HIBCH: variants seen among roughly 807,000 people sequenced by gnomAD.
The protein encoded by HIBCH is 3-hydroxyisobutyryl-CoA hydrolase, also known as 3-hydroxyisobutyryl-CoA hydrolase, mitochondrial.
Under a neutral mutation model 58.2 loss-of-function variants are expected in HIBCH, and 50 were observed. That is an observed-to-expected ratio of 0.86 (90% confidence interval 0.68 to 1.09). The LOEUF is 1.09. HIBCH is among the 50% of genes least tolerant of loss of function. HIBCH has a pLI of 0.00. For synonymous variants in HIBCH, 151 were observed against 146.9 expected (o/e 1.03, Z -0.20); for missense variants, 450 against 449.7 (o/e 1.00, Z -0.01).
In HIBCH at chr2:190,294,730, ATATG is replaced by A. The variant is rs555791352; in HGVS notation, c.220-104_220-101del. On this transcript the variant is annotated intron_variant, in intron 3 of 13. Coordinates refer to ENST00000359678, the MANE Select transcript of HIBCH (RefSeq NM_014362.4). ...TATATTCAATCATATATTCATATAC[ATATG>A]TGTTTGTGACAGTACATATTCTTCT... The A allele has an allele frequency of 1.5e-4, 119 of 789,228 alleles. 1 individual carries two copies. In the South Asian group the frequency reaches 1.6e-3, roughly 10 times the overall value. The allele number at this position is 789,228 out of a possible 1,614,324, so 48.9% of individuals were successfully genotyped here.
intron 11 of HIBCH, among the ~76,000 whole-genome samples, chr2:190,230,446 C>T (rs1400847739): frequency 6.6e-6 from 1 of 152,212 alleles, no homozygotes; most frequent in Non-Finnish European, 1.5e-5. Context: ...CCTGTAATCC[C>T]AGCACTTTGG....
chr2:190,234,342 T>C (rs1686200038), intron 11 of HIBCH, among the ~76,000 whole-genome samples: 1 of 152,252 alleles, frequency 6.6e-6, no homozygotes, highest in South Asian at 2.1e-4. Context: ...GTGTCTATGT[T>C]ATCACAAGGC....
chr2:190,277,315 T>C (rs912464999), intron 6 of HIBCH, among the ~76,000 whole-genome samples: 21 of 152,182 alleles, frequency 1.4e-4, no homozygotes, highest in Non-Finnish European at 4.4e-5. Context: ...CTCTTCATGG[T>C]GGGTAACAAG....
chr2:190,293,142 C>T (rs532656574), intron 4 of HIBCH, among the ~76,000 whole-genome samples: 1 of 152,152 alleles, frequency 6.6e-6, no homozygotes, highest in South Asian at 2.1e-4. Flanking sequence ...TGTAAACTGA[C>T]GATCACAGGC....
chr2:190,220,096 A>G (rs1323626463), intron 11 of HIBCH, among the ~76,000 whole-genome samples: 1 of 152,164 alleles, frequency 6.6e-6, no homozygotes, highest in East Asian at 1.9e-4. Flanking sequence ...TGTTGGCTAT[A>G]ATGCTATGCC....
intron 12 of HIBCH, 24 bp downstream of exon 12, chr2:190,212,932 G>A (rs781171481): frequency 6.3e-7 from 1 of 1,589,306 alleles, no homozygotes; most frequent in Non-Finnish European, 8.6e-7. Context: ...ACTAAAAAAT[G>A]ACATTTTTTT....
chr2:190,220,786 A>G (rs1009854817), intron 11 of HIBCH, among the ~76,000 whole-genome samples: 1 of 152,048 alleles, frequency 6.6e-6, no homozygotes, highest in Non-Finnish European at 1.5e-5. Flanking sequence ...GAAAACCTGG[A>G]AGAACTTCAT....
chr2:190,222,293 C>G (rs112815755), intron 11 of HIBCH, among the ~76,000 whole-genome samples: 1 of 152,126 alleles, frequency 6.6e-6, no homozygotes, highest in Admixed American at 6.6e-5. Flanking sequence ...GGCACAGAAA[C>G]GGCCGGCTAG....
At position 190,319,657 on chromosome 2, in the gene HIBCH, T is replaced by A; in HGVS notation, c.35+59A>T. On this transcript the variant is annotated intron_variant, in intron 1 of 13. Transcript: ENST00000359678. ...CAGCAGTCTCCACCCCCGGCCCTTT[T>A]CCCACTGTGGCGAGTGCCGCTGAAG... is the stretch of plus-strand genomic sequence containing the variant. 3 of 1,447,060 alleles carry A rather than the reference T, an allele frequency of 2.1e-6. No homozygotes were observed. The East Asian group carries it at 6.8e-5, about 33-fold the overall frequency. 89.6% of individuals were successfully genotyped at this position (1,447,060 alleles called of 1,614,324 possible). A position where few individuals can be genotyped will look rare whatever the true frequency, so the allele number is the denominator to read the frequency against.
chr2:190,289,530 T>C (rs1040287805), intron 5 of HIBCH, among the ~76,000 whole-genome samples: 4 of 152,130 alleles, frequency 2.6e-5, no homozygotes, highest in Non-Finnish European at 5.9e-5. Context: ...CTGGGGAAAG[T>C]AATGGCACTG....
chr2:190,301,855 C>T (rs1231552949), intron 2 of HIBCH, among the ~76,000 whole-genome samples: 1 of 152,156 alleles, frequency 6.6e-6, no homozygotes, highest in African/African-American at 2.4e-5. Context: ...AGTTGACTCC[C>T]TTCAACCTCT....
chr2:190,192,041 C>A, intron 1 of HIBCH, among the ~76,000 whole-genome samples: 1 of 151,804 alleles, frequency 6.6e-6, no homozygotes, highest in Non-Finnish European at 1.5e-5. Flanking sequence ...CTTTTCCTAA[C>A]CCAAGATCGC....
chr2:190,282,213 G>C (rs73981039), intron 6 of HIBCH, among the ~76,000 whole-genome samples: 19 of 152,230 alleles, frequency 1.2e-4, no homozygotes, highest in African/African-American at 4.1e-4. Flanking sequence ...ACACTTCTCA[G>C]TATCAATTTT....
rs1179126735 is a variant in HIBCH at position 190,209,331 on chromosome 2, C to A, written c.1012-418G>T. On this transcript the variant is annotated intron_variant, in intron 12 of 13. Transcript: ENST00000359678. This position sits in a 1 kb window ranked among gnomAD's most constrained non-coding sequence, Gnocchi z 5.6. The stretch of plus-strand genomic sequence containing the variant: ...ACCCTATCACGTACCCCTGCCTGCA[C>A]TTCAGCAGCTAAGTCTTGCTGCAGA... Among the ~76,000 whole-genome samples the A allele has an allele frequency of 1.3e-5, 2 of 152,192 alleles. No individual in the cohort carries two copies. Among genetic ancestry groups the A allele is most frequent in the Non-Finnish European group, 2.9e-5 (2 of 68,028 alleles).
chr2:190,244,805 A>G, intron 11 of HIBCH, 82 bp downstream of exon 11: 1 of 870,104 alleles, frequency 1.1e-6, no homozygotes, highest in East Asian at 2.4e-5. Context: ...CCACCAATGG[A>G]GCACTAATAC....
intron 11 of HIBCH, among the ~76,000 whole-genome samples, chr2:190,223,523 T>C (rs562387705): frequency 2.6e-5 from 4 of 152,348 alleles, no homozygotes; most frequent in Non-Finnish European, 4.4e-5. Context: ...AGGAAAGGCT[T>C]TGTGATTTGT....
At chr2:190,259,175 G>A (rs1687013883) in intron 7 of HIBCH, among the ~76,000 whole-genome samples, 1 of 151,812 alleles carries the variant, frequency 6.6e-6, no homozygotes, top group African/African-American at 2.4e-5. Context: ...ATTTTGATAG[G>A]GATTACACTG....
chr2:190,238,501 G>C (rs908629377), intron 11 of HIBCH, among the ~76,000 whole-genome samples: 1 of 152,076 alleles, frequency 6.6e-6, no homozygotes, highest in African/African-American at 2.4e-5. Flanking sequence ...TCTTGCTCTT[G>C]TCACCCAGGC....
intron 11 of HIBCH, chr2:190,213,825 T>A (rs925417505): frequency 4.6e-5 from 7 of 152,254 alleles, no homozygotes; most frequent in African/African-American, 1.7e-4. Context: ...CCTATAGGAC[T>A]CAGCCTATAA....
Sources: gnomAD v4.1 joint callset for allele counts (sites outside exome capture counted in the v4.1 genomes callset) on GRCh38, gnomAD v4.1.1 for gene constraint, Gnocchi (gnomAD v3.1) non-coding constraint, MANE v1.5 for transcripts, NCBI Gene and HGNC (gene_info 2026-07-23, HGNC 2026-07-21) for gene names.